The following HBS1L variants were observed in gnomAD, a reference collection of about 807,000 sequenced individuals.
The protein encoded by HBS1L is HBS1-like protein.
Under a neutral mutation model 88.9 loss-of-function variants are expected in HBS1L, and 55 were observed. That is an observed-to-expected ratio of 0.62 (90% confidence interval 0.50 to 0.77). The LOEUF is 0.77. Among genes scored for constraint, HBS1L ranks in the 30% least tolerant of loss-of-function variants. HBS1L has a pLI of 0.00. For missense variants in HBS1L, 741 were observed against 829.3 expected, an observed-to-expected ratio of 0.89 and a Z score of 1.31; for synonymous variants, 267 against 288.5, an observed-to-expected ratio of 0.93 and a Z score of 0.76.
At chr6:135,006,082 T>C (rs1583102667) in intron 4 of HBS1L, among the ~76,000 whole-genome samples, 1 of 152,168 alleles carries the variant, frequency 6.6e-6, no homozygotes, top group East Asian at 1.9e-4. Flanking sequence ...TGTTCAGCCA[T>C]TCACGAAAAA....
chr6:134,996,795 G>C lies in HBS1L; in HGVS notation c.947C>G (p.Thr316Ser). ...TGACTACCTTTCCCTTTCTTCGCCA[G>C]TTTCATCCAAGACCCATGCATATGC... ...SFAYAWVLDE[T>S]GEERERGVTM... is the part of the protein sequence containing the mutation. The change falls in exon 7 of 18, where the codon ACT becomes AGT. Residue 316 changes from threonine (T) to serine (S), a missense_variant. Around this residue, in one of 3 missense-constraint regions of HBS1L, gnomAD observed 556 missense variants for 598.4 expected, o/e 0.93. Coordinates refer to ENST00000367837, the MANE Select transcript of HBS1L (RefSeq NM_006620.4). The C allele has an allele frequency of 6.3e-7, 1 of 1,596,808 alleles. No homozygotes were observed. Among genetic ancestry groups the C allele is most frequent in the Non-Finnish European group, 8.5e-7 (1 of 1,173,914 alleles).
At chr6:134,969,587 A>AG (rs1202991117) in intron 15 of HBS1L, among the ~76,000 whole-genome samples, 1 of 152,214 alleles carries the variant, frequency 6.6e-6, no homozygotes, top group African/African-American at 2.4e-5. Context: ...TTCAGTGCAT[A>AG]ACCTGTCAGC....
rs1774243053 is a variant in HBS1L, at chr6:134,963,962, T to C, written c.*1317A>G. 1 of 152,212 alleles carries C rather than the reference T, an allele frequency of 6.6e-6. No individual in the cohort carries two copies. Among genetic ancestry groups the C allele is most frequent in the Admixed American group, 6.5e-5 (1 of 15,288 alleles). The allele number at this position is 152,212 out of a possible 1,614,324, so 9.4% of individuals were successfully genotyped here. A position where few individuals can be genotyped will look rare whatever the true frequency, so the allele number is the denominator to read the frequency against. Reference sequence around the variant, plus strand: ...ATATTAATATTTAAATAAAACTTTCTTAACTCAGTGAATCTGAAGTGACAA... The same window carrying C: ...ATATTAATATTTAAATAAAACTTTCCTAACTCAGTGAATCTGAAGTGACAA... On this transcript the variant is annotated 3_prime_UTR_variant, in exon 18 of 18. Coordinates refer to ENST00000367837, the MANE Select transcript of HBS1L (RefSeq NM_006620.4).
At position 135,054,680 on chromosome 6, in the gene HBS1L, A is replaced by T; in HGVS notation, c.12T>A (p.His4Gln). The part of the protein sequence containing the change: MAR[H>Q]RNVRGYNYDE... ...CGTAGTTATAGCCTCGAACATTCCG[A>T]TGCCGGGCCATGACGGCGGAGAGGG... Residue 4 changes from histidine to glutamine, a missense_variant, in exon 1 of 18, where the codon CAT (histidine) becomes CAA (glutamine). Transcript: ENST00000367837. 1 of 1,614,214 alleles carries T rather than the reference A, an allele frequency of 6.2e-7. No homozygotes were observed. The highest frequency in any genetic ancestry group is 8.5e-7 in the Non-Finnish European group (1 of 1,180,034).
intron 2 of HBS1L, among the ~76,000 whole-genome samples, chr6:135,048,274 C>T (rs776350884): frequency 1.3e-5 from 2 of 152,176 alleles, no homozygotes; most frequent in Non-Finnish European, 2.9e-5. Context: ...AATTAATATC[C>T]GTTTTCAGTT....
intron 15 of HBS1L, among the ~76,000 whole-genome samples, chr6:134,973,935 C>CAT (rs1308504338): frequency 7.6e-4 from 115 of 150,990 alleles, no homozygotes; most frequent in East Asian, 2.1e-3. Flanking sequence ...TTCTATGTCA[C>CAT]ATATATATAT....
Position 135,042,018 on chromosome 6 carries a change from A to C in HBS1L, c.218T>G (p.Leu73Arg). 1.9e-6 allele frequency: 3 copies of C among 1,613,526 alleles called. No individual in the cohort carries two copies. Among genetic ancestry groups the C allele is most frequent in the Non-Finnish European group, 2.5e-6 (3 of 1,179,768 alleles). Reference protein sequence around the residue: ...ESSNSVSNHQLSGFDQARLYS... With the variant: ...ESSNSVSNHQRSGFDQARLYS... The stretch of plus-strand genomic sequence containing the variant: ...TGCTATACCTTGATCAAATCCACTG[A>C]GCTGATGGTTTGAAACAGAATTGGA... Residue 73 changes from leucine (L) to arginine (R), a missense_variant, in exon 3 of 18, where the codon CTC becomes CGC. Leu to Arg is a moderately radical substitution (Grantham distance 102). Around this residue, in one of 3 missense-constraint regions of HBS1L, gnomAD observed 556 missense variants for 598.4 expected, o/e 0.93. Coordinates refer to ENST00000367837, the MANE Select transcript of HBS1L (RefSeq NM_006620.4).
chr6:135,038,081 A>T (rs1776616211), intron 4 of HBS1L: 1 of 1,348,730 alleles, frequency 7.4e-7, no homozygotes, highest in Admixed American at 3.2e-5. Context: ...TACGCAGAAG[A>T]CAGTCACAGC....
intron 5 of HBS1L, among the ~76,000 whole-genome samples, chr6:135,001,663 C>T (rs538647772): frequency 6.6e-6 from 1 of 152,208 alleles, no homozygotes; most frequent in South Asian, 2.1e-4. Context: ...TAAAGTTACT[C>T]ATGATAAAAA....
chr6:135,049,951 A>C (rs764338607), intron 2 of HBS1L, among the ~76,000 whole-genome samples: 38 of 152,360 alleles, frequency 2.5e-4, no homozygotes, highest in Non-Finnish European at 5.1e-4. Context: ...GTAGTGTTAG[A>C]GAAATAAGTG....
chr6:134,996,114 T>G (rs1253172761), intron 7 of HBS1L, among the ~76,000 whole-genome samples: 1 of 152,128 alleles, frequency 6.6e-6, no homozygotes, highest in Non-Finnish European at 1.5e-5. Flanking sequence ...ATATCTGCCA[T>G]TTCACTAATT....
At chr6:134,978,325 T>G (rs540968004) in intron 15 of HBS1L, among the ~76,000 whole-genome samples, 90 of 152,114 alleles carry the variant, frequency 5.9e-4, no homozygotes, top group African/African-American at 2.1e-3. Context: ...CCCAGAATGA[T>G]TCAACCTAAA....
intron 2 of HBS1L, among the ~76,000 whole-genome samples, chr6:135,044,057 G>C (rs1421213822): frequency 4.6e-5 from 7 of 152,146 alleles, no homozygotes; most frequent in Non-Finnish European, 2.9e-5. Context: ...CATGTGCCCT[G>C]TTTGGAGAGC....
chr6:135,031,873 CCCAGG>C (rs1315177247), intron 4 of HBS1L, among the ~76,000 whole-genome samples: 3 of 150,364 alleles, frequency 2.0e-5, no homozygotes, highest in Admixed American at 2.0e-4. Context: ...CACCACACTG[CCCAGG>C]CTGAACCTGA....
chr6:135,036,126 C>T, intron 4 of HBS1L: 1 of 663,814 alleles, frequency 1.5e-6, no homozygotes, highest in Non-Finnish European at 1.9e-6. Flanking sequence ...TAAAATATAA[C>T]ATCTCAGTTA....
chr6:134,969,273 G>T lies in HBS1L; in HGVS notation c.1863C>A (p.Asn621Lys). The change falls in exon 16 of 18, where the codon AAC becomes AAA. Residue 621 changes from asparagine to lysine, a missense_variant. Transcript: ENST00000367837. ...TCTTTGTGACTTCACCCGTGCTTTTGTTTAAGACACTAATCAATCGTTTAA... is the reference window on the plus strand; with the variant it reads ...TCTTTGTGACTTCACCCGTGCTTTTTTTTAAGACACTAATCAATCGTTTAA... ...AVIKRLISVL[N>K]KSTGEVTKKK... 2.5e-6 allele frequency: 4 copies of T among 1,613,502 alleles called. No homozygotes were observed. Among genetic ancestry groups the T allele is most frequent in the Non-Finnish European group, 3.4e-6 (4 of 1,179,570 alleles).
chr6:135,006,726 A>G (rs1402365979), intron 4 of HBS1L, among the ~76,000 whole-genome samples: 1 of 152,132 alleles, frequency 6.6e-6, no homozygotes, highest in Non-Finnish European at 1.5e-5. Flanking sequence ...AGTTACAGCA[A>G]AAGTGGAGGG....
chr6:135,004,157 C>G (rs1031240986), intron 4 of HBS1L, among the ~76,000 whole-genome samples: 2 of 151,640 alleles, frequency 1.3e-5, no homozygotes, highest in Non-Finnish European at 2.9e-5. Context: ...TGCTATTTGC[C>G]TACTATACAC....
intron 2 of HBS1L, among the ~76,000 whole-genome samples, chr6:135,045,952 C>G (rs1402271191): frequency 6.6e-6 from 1 of 152,180 alleles, no homozygotes; most frequent in African/African-American, 2.4e-5. Flanking sequence ...CTTTGTGGAC[C>G]ATGATCAGTT....
Sources: allele counts gnomAD v4.1 joint callset (sites outside exome capture counted in the v4.1 genomes callset), GRCh38; gene constraint gnomAD v4.1.1; regional missense constraint gnomAD v4.1.1; transcripts MANE v1.5; gene names NCBI Gene and HGNC (gene_info 2026-07-23, HGNC 2026-07-21).